The following MAMDC2 variants were observed in gnomAD, a reference collection of about 807,000 sequenced individuals.
MAMDC2 encodes MAM domain containing 2.
A neutral mutation model predicts 89.8 loss-of-function variants in MAMDC2; 57 were observed. That is an observed-to-expected ratio of 0.63 (90% confidence interval 0.51 to 0.79). The LOEUF is 0.79. Among genes scored for constraint, MAMDC2 ranks in the 30% least tolerant of loss-of-function variants. MAMDC2 has a pLI of 0.00. For missense variants in MAMDC2, 800 were observed against 820.6 expected (o/e 0.97, Z 0.31); for synonymous variants, 313 against 293.4 (o/e 1.07, Z -0.68).
At chr9:70,218,219 C>A in intron 11 of MAMDC2, 118 bp from the exon 12 acceptor site, 4 of 1,116,898 alleles carry the variant, frequency 3.6e-6, no homozygotes, top group Non-Finnish European at 5.0e-6. Context: ...ATTATAAAAC[C>A]CTTTATCAGT....
intron 2 of MAMDC2, chr9:70,085,752 A>G (rs1827756346): frequency 6.6e-6 from 1 of 152,060 alleles, no homozygotes; most frequent in Non-Finnish European, 1.5e-5. Flanking sequence ...TTGTGTATCT[A>G]TGGTACATGT....
chr9:70,062,268 C>A (rs1441700381), intron 2 of MAMDC2, among the ~76,000 whole-genome samples: 1 of 151,958 alleles, frequency 6.6e-6, no homozygotes, highest in Non-Finnish European at 1.5e-5. Flanking sequence ...TATACACACA[C>A]ACACACACAC....
At chr9:70,157,503 A>G (rs548645206) in intron 9 of MAMDC2, 1 of 152,586 alleles carries the variant, frequency 6.6e-6, no homozygotes, top group Non-Finnish European at 1.5e-5. Context: ...CTATCTGTTT[A>G]GTACTTACTT....
intron 5 of MAMDC2, among the ~76,000 whole-genome samples, chr9:70,114,546 C>G (rs2029884455): frequency 6.6e-6 from 1 of 152,072 alleles, no homozygotes. Context: ...GTTTCTTTTA[C>G]AATACATTCA....
intron 2 of MAMDC2, chr9:70,090,535 A>G (rs1365697215): frequency 6.6e-6 from 1 of 152,000 alleles, no homozygotes; most frequent in African/African-American, 2.4e-5. Context: ...AGAAACCCAA[A>G]TTACAATGGC....
chr9:70,173,166 G>GCA (rs2032402609), intron 11 of MAMDC2, among the ~76,000 whole-genome samples: 1 of 152,096 alleles, frequency 6.6e-6, no homozygotes, highest in African/African-American at 2.4e-5. Flanking sequence ...TGGCAACACA[G>GCA]TGGCTGTAGC....
At chr9:70,145,703 C>A (rs1307971279) in intron 9 of MAMDC2, among the ~76,000 whole-genome samples, 1 of 151,998 alleles carries the variant, frequency 6.6e-6, no homozygotes, top group Non-Finnish European at 1.5e-5. Flanking sequence ...ATAAAATAAG[C>A]ATTTTATTTA....
intron 2 of MAMDC2, among the ~76,000 whole-genome samples, chr9:70,048,741 C>T (rs1194242106): frequency 1.3e-5 from 2 of 152,240 alleles, no homozygotes; most frequent in Non-Finnish European, 2.9e-5. Flanking sequence ...TTCCATTTTC[C>T]TGATGCCAGC....
At chr9:70,179,708 A>G (rs2032593193) in intron 11 of MAMDC2, among the ~76,000 whole-genome samples, 1 of 151,018 alleles carries the variant, frequency 6.6e-6, no homozygotes, top group Non-Finnish European at 1.5e-5. Context: ...ATATGCTCCT[A>G]TAAAATTCCA....
intron 11 of MAMDC2, among the ~76,000 whole-genome samples, chr9:70,209,026 G>A (rs539847334): frequency 5.3e-5 from 8 of 152,086 alleles, no homozygotes; most frequent in African/African-American, 1.7e-4. Flanking sequence ...TGCTGGATTC[G>A]GTTTGCCAGT....
rs1256174733 is a variant in MAMDC2 at position 70,140,226 on chromosome 9, G to C, written c.1076G>C (p.Gly359Ala). The change falls in exon 8 of 14, where the codon GGT becomes GCT. Residue 359 changes from glycine to alanine, a missense_variant. Coordinates refer to ENST00000377182, the MANE Select transcript of MAMDC2 (RefSeq NM_153267.5). The part of the protein sequence containing the change: ...CNFYQDKEGP[G>A]WTRVKVKPNM... ...TTTTACCAAGATAAAGAAGGTCCAG[G>C]TTGGACCCGAGTGAAAGTAAAACCA... 6 of 1,600,782 alleles carry C rather than the reference G, an allele frequency of 3.7e-6. No individual in the cohort carries two copies. In the East Asian group the frequency reaches 1.4e-4, roughly 36 times the overall value.
chr9:70,129,017 G>A (rs576558458), intron 6 of MAMDC2, among the ~76,000 whole-genome samples: 2 of 152,172 alleles, frequency 1.3e-5, no homozygotes, highest in South Asian at 4.2e-4. Context: ...CTCTGTGCTC[G>A]GATATTTGTA....
rs965677162 is a variant in MAMDC2 at position 70,194,197 on chromosome 9, T to C, written c.1651+23566T>C. On this transcript the variant is annotated intron_variant, in intron 11 of 13. Transcript: ENST00000377182. ...TTTGCTGCCTGCATAACCTGGGGAATAATTACATGACTTCGCTGAGCCTCA... is the reference window on the plus strand; with the variant it reads ...TTTGCTGCCTGCATAACCTGGGGAACAATTACATGACTTCGCTGAGCCTCA... 4 of 152,208 alleles carry C rather than the reference T, an allele frequency of 2.6e-5. No individual in the cohort carries two copies. The East Asian group carries it at 7.7e-4, about 29-fold the overall frequency. The allele number at this position is 152,208 out of a possible 1,614,324, so 9.4% of individuals were successfully genotyped here.
intron 7 of MAMDC2, among the ~76,000 whole-genome samples, chr9:70,133,610 G>A (rs2030890584): frequency 6.6e-6 from 1 of 152,188 alleles, no homozygotes; most frequent in Non-Finnish European, 1.5e-5. Flanking sequence ...CCAGGAATGT[G>A]GATTCACATC....
intron 2 of MAMDC2, among the ~76,000 whole-genome samples, chr9:70,084,460 C>T (rs1162671230): frequency 6.6e-6 from 1 of 152,016 alleles, no homozygotes; most frequent in Non-Finnish European, 1.5e-5. Flanking sequence ...GAGCTGGTTC[C>T]ACGTCATCAT....
chr9:70,137,562 C>T (rs149036383), intron 7 of MAMDC2, among the ~76,000 whole-genome samples: 2 of 152,236 alleles, frequency 1.3e-5, no homozygotes, highest in East Asian at 3.9e-4. Context: ...CTCTTTCATC[C>T]ACTTTAATCT....
At chr9:70,097,552 AC>A (rs1052724301) in intron 2 of MAMDC2, among the ~76,000 whole-genome samples, 1 of 152,096 alleles carries the variant, frequency 6.6e-6, no homozygotes, top group Non-Finnish European at 1.5e-5. Flanking sequence ...CTTTAAGCAA[AC>A]CTATATTTCC....
chr9:70,097,132 C>A (rs1442960836), intron 2 of MAMDC2, among the ~76,000 whole-genome samples: 1 of 152,136 alleles, frequency 6.6e-6, no homozygotes. Context: ...TCACTGTTTT[C>A]TTCCATTTCC....
intron 2 of MAMDC2, among the ~76,000 whole-genome samples, chr9:70,051,320 C>T (rs1432851617): frequency 1.3e-5 from 2 of 152,190 alleles, no homozygotes; most frequent in African/African-American, 4.8e-5. Context: ...GAAGTGGCTA[C>T]CCAAATCCTG....
Sources: allele counts gnomAD v4.1 joint callset (sites outside exome capture counted in the v4.1 genomes callset), GRCh38; gene constraint gnomAD v4.1.1; transcripts MANE v1.5; gene names NCBI Gene and HGNC (gene_info 2026-07-23, HGNC 2026-07-21).